The following TAOK3 variants were observed in gnomAD, a reference collection of about 807,000 sequenced individuals.
TAOK3 encodes the protein serine/threonine-protein kinase TAO3.
TAOK3 carries 40 observed loss-of-function variants against 120.4 expected under a neutral mutation model. The ratio of observed to expected loss-of-function variants is 0.33; its 90% CI spans 0.26 to 0.43. The LOEUF (loss-of-function observed/expected upper bound fraction) is 0.43, where lower values mean the gene tolerates loss of function less well. TAOK3 is among the 20% of genes least tolerant of loss of function. The pLI is 1.00. For synonymous variants in TAOK3, 355 were observed against 387.5 expected, an observed-to-expected ratio of 0.92 and a Z score of 0.99; for missense variants, 821 against 1,112.1, an observed-to-expected ratio of 0.74 and a Z score of 3.72.
Position 118,214,120 on chromosome 12 carries a change from G to GA in TAOK3, c.644-11dup. ...GGCGGCTTCCGTTCCGCTGGAAGAG[G>GA]AAAGAAACACAATAAAGTAGTTCTT... is the stretch of plus-strand genomic sequence containing the variant. On this transcript the variant is annotated splice_polypyrimidine_tract_variant and intron_variant, in intron 9 of 20. Coordinates refer to ENST00000392533, the MANE Select transcript of TAOK3 (RefSeq NM_016281.4). 1.2e-6 allele frequency: 2 copies of GA among 1,602,792 alleles called. No homozygotes were observed. Among genetic ancestry groups the GA allele is most frequent in the South Asian group, 2.2e-5 (2 of 88,972 alleles).
chr12:118,164,174 A>T (rs990971986), intron 17 of TAOK3, among the ~76,000 whole-genome samples: 1 of 151,344 alleles, frequency 6.6e-6, no homozygotes, highest in Admixed American at 6.6e-5. Context: ...ATACAAAAAA[A>T]AAATTAGCCG....
chr12:118,256,990 A>G (rs2041015371), intron 2 of TAOK3, among the ~76,000 whole-genome samples: 1 of 152,212 alleles, frequency 6.6e-6, no homozygotes, highest in South Asian at 2.1e-4. Flanking sequence ...TTATTAATCG[A>G]TACTATGCGC....
At chr12:118,339,625 G>A (rs915591944) in intron 1 of TAOK3, among the ~76,000 whole-genome samples, 2 of 151,688 alleles carry the variant, frequency 1.3e-5, no homozygotes, top group African/African-American at 4.8e-5. Context: ...GAATGCAGTG[G>A]TGCGATCTCG....
chr12:118,199,562 A>C, intron 12 of TAOK3: 1 of 378,630 alleles, frequency 2.6e-6, no homozygotes, highest in South Asian at 2.7e-5. Context: ...CAGTAAGCAA[A>C]ATCAAGCCAG....
At chr12:118,245,976 C>T in intron 3 of TAOK3, 3 of 556,172 alleles carry the variant, frequency 5.4e-6, no homozygotes, top group Non-Finnish European at 9.4e-6. Flanking sequence ...ATGTTTTGGT[C>T]AAAAACAAGC....
chr12:118,372,426 C>A lies in TAOK3; in HGVS notation c.-194+222G>T, dbSNP rs2045929011. Among the ~76,000 whole-genome samples the A allele has an allele frequency of 6.6e-6, 1 of 151,686 alleles. No individual in the cohort carries two copies. Among genetic ancestry groups the A allele is most frequent in the South Asian group, 2.1e-4 (1 of 4,794 alleles). On this transcript the variant is annotated intron_variant, in intron 1 of 20. Coordinates refer to ENST00000392533, the MANE Select transcript of TAOK3 (RefSeq NM_016281.4). The surrounding 1 kb of genome is among the most constrained non-coding windows in gnomAD (Gnocchi z 4.6). ...CCCGGCCCCTCTTGGAGACCCCTCCCCTCAGACTTTCAGTCTTGGACCCTC... is the reference window on the plus strand; with the variant it reads ...CCCGGCCCCTCTTGGAGACCCCTCCACTCAGACTTTCAGTCTTGGACCCTC...
intron 1 of TAOK3, among the ~76,000 whole-genome samples, chr12:118,272,007 C>A (rs146111765): frequency 6.6e-6 from 1 of 152,176 alleles, no homozygotes; most frequent in African/African-American, 2.4e-5. Context: ...CCAACTAGCA[C>A]GGAGTAGAAG....
At chr12:118,182,599 G>GTGTGTA (rs1440847647) in intron 14 of TAOK3, among the ~76,000 whole-genome samples, 5 of 93,902 alleles carry the variant, frequency 5.3e-5, no homozygotes, top group Admixed American at 1.3e-4. Flanking sequence ...GTGTGTGTGT[G>GTGTGTA]TATATATATA....
intron 1 of TAOK3, among the ~76,000 whole-genome samples, chr12:118,330,310 T>A (rs759065795): frequency 1.3e-5 from 2 of 152,240 alleles, no homozygotes; most frequent in Non-Finnish European, 2.9e-5. Flanking sequence ...GATAGGTCTT[T>A]ACGTCTTTTG....
rs1592977955 is a variant in TAOK3, at chr12:118,160,561, C to T, written c.2140-203G>A. 6.6e-6 allele frequency among the ~76,000 whole-genome samples: 1 copy of T among 152,238 alleles called. No homozygotes were observed. The highest frequency in any genetic ancestry group is 2.4e-5 in the African/African-American group (1 of 41,556). On this transcript the variant is annotated intron_variant, in intron 18 of 20. Transcript: ENST00000392533. This position sits in a 1 kb window ranked among gnomAD's most constrained non-coding sequence, Gnocchi z 4.2. ...GTACTTTTGGTTTTATATTGAATGA[C>T]TATAAGTAATTTTGAATTTACAAAT...
At chr12:118,198,207 T>G (rs2037830545) in intron 13 of TAOK3, among the ~76,000 whole-genome samples, 1 of 152,078 alleles carries the variant, frequency 6.6e-6, no homozygotes. Flanking sequence ...AAGCTCTCTC[T>G]GTCTCAGTGC....
intron 1 of TAOK3, among the ~76,000 whole-genome samples, chr12:118,353,844 G>A (rs558644344): frequency 6.6e-6 from 1 of 152,244 alleles, no homozygotes; most frequent in East Asian, 1.9e-4. Flanking sequence ...AACACTAAAA[G>A]TATATTCACA....
chr12:118,314,502 G>A (rs945973196), intron 1 of TAOK3, among the ~76,000 whole-genome samples: 1 of 152,114 alleles, frequency 6.6e-6, no homozygotes, highest in African/African-American at 2.4e-5. Flanking sequence ...TGAGGATTTT[G>A]GGAACTAGTG....
intron 9 of TAOK3, among the ~76,000 whole-genome samples, chr12:118,230,309 T>C (rs364823): frequency 0.47 from 71,151 of 151,738 alleles, 17,423 homozygotes; most frequent in Non-Finnish European, 0.54. Context: ...TCTGTTCTAC[T>C]GGATACTAGT....
intron 1 of TAOK3, among the ~76,000 whole-genome samples, chr12:118,321,139 A>G (rs553563335): frequency 2.0e-3 from 305 of 152,332 alleles, no homozygotes; most frequent in Non-Finnish European, 3.7e-3. Flanking sequence ...AAAGGTTGGT[A>G]TGGTTTGTAA....
At chr12:118,162,094 T>A in intron 17 of TAOK3, 67 bp from the exon 18 acceptor site, 2 of 1,579,932 alleles carry the variant, frequency 1.3e-6, no homozygotes, top group Non-Finnish European at 1.7e-6. Flanking sequence ...AATGCACAAC[T>A]AAGTGAGGGA....
chr12:118,196,579 G>T (rs2037740156), intron 13 of TAOK3, among the ~76,000 whole-genome samples: 2 of 152,044 alleles, frequency 1.3e-5, no homozygotes, highest in Admixed American at 1.3e-4. Flanking sequence ...AGGGACAAAA[G>T]ATTCCTTCTC....
At chr12:118,182,416 T>G (rs2036792375) in intron 14 of TAOK3, among the ~76,000 whole-genome samples, 1 of 151,700 alleles carries the variant, frequency 6.6e-6, no homozygotes, top group African/African-American at 2.4e-5. Flanking sequence ...GGGGCCGTCC[T>G]GTGCATTGCA....
At chr12:118,353,700 A>AT (rs2045274767) in intron 1 of TAOK3, among the ~76,000 whole-genome samples, 1 of 152,186 alleles carries the variant, frequency 6.6e-6, no homozygotes, top group Non-Finnish European at 1.5e-5. Flanking sequence ...GGTGCAGTGC[A>AT]TTTTACCAGC....
Sources: allele counts gnomAD v4.1 joint callset (sites outside exome capture counted in the v4.1 genomes callset), GRCh38; gene constraint gnomAD v4.1.1; non-coding constraint Gnocchi (gnomAD v3.1); transcripts MANE v1.5; gene names NCBI Gene and HGNC (gene_info 2026-07-23, HGNC 2026-07-21).